The following SLC6A3 variants were observed in gnomAD, a reference collection of about 807,000 sequenced individuals.
SLC6A3 encodes the protein sodium-dependent dopamine transporter.
A neutral mutation model predicts 70.4 loss-of-function variants in SLC6A3; 19 were observed. That is an observed-to-expected ratio of 0.27 (90% CI 0.19 to 0.40). The LOEUF (loss-of-function observed/expected upper bound fraction) is 0.40. SLC6A3 is among the 10% of genes least tolerant of loss of function. The pLI is 1.00. For synonymous variants in SLC6A3, 368 were observed against 356.6 expected, an observed-to-expected ratio of 1.03 and a Z score of -0.36; for missense variants, 613 against 838.5, an observed-to-expected ratio of 0.73 and a Z score of 3.32.
intron 4 of SLC6A3, among the ~76,000 whole-genome samples, chr5:1,427,665 GATAATACCACACAAACAGTAA>G (rs1163068011): frequency 6.6e-6 from 1 of 152,184 alleles, no homozygotes; most frequent in Non-Finnish European, 1.5e-5. Context: ...GGCTGGAAAA[GATAATACCACACAAACAGTAA>G]TGATACGAAA....
chr5:1,435,313 G>A (rs1756803192), intron 3 of SLC6A3, among the ~76,000 whole-genome samples: 3 of 152,344 alleles, frequency 2.0e-5, no homozygotes, highest in South Asian at 4.1e-4. Context: ...TTCCATGGTG[G>A]TAACTGACAA....
chr5:1,410,124 C>T (rs1014876777), intron 9 of SLC6A3, among the ~76,000 whole-genome samples: 5 of 152,208 alleles, frequency 3.3e-5, no homozygotes, highest in Admixed American at 6.5e-5. Context: ...GGGTAAGATG[C>T]GGCATGGCTA....
intron 4 of SLC6A3, among the ~76,000 whole-genome samples, chr5:1,426,601 A>G (rs1266050855): frequency 6.6e-6 from 1 of 152,234 alleles, no homozygotes; most frequent in South Asian, 2.1e-4. Context: ...ATGGAATTGA[A>G]ATATTATTTG....
intron 3 of SLC6A3, 114 bp downstream of exon 3, chr5:1,441,245 G>C: frequency 3.8e-6 from 5 of 1,322,172 alleles, no homozygotes; most frequent in Non-Finnish European, 5.4e-6. Context: ...CCATGCCTGT[G>C]TCTTAGCAAA....
rs753749540 is a variant in SLC6A3, at chr5:1,400,926, G to A, written c.1828C>T (p.Arg610Cys). The A allele has an allele frequency of 7.6e-6, 12 of 1,587,884 alleles. No individual in the cohort carries two copies. The highest frequency in any genetic ancestry group is 8.6e-6 in the Non-Finnish European group (10 of 1,164,758). ...DRELVDRGEV[R>C]QFTLRHWLKV is the part of the protein sequence containing the mutation. The stretch of plus-strand genomic sequence containing the variant: ...GACCTCGACCTCACCGTGAACTGGC[G>A]CACCTCCCCTCTGTCCACCAGCTCA... The change falls in exon 14 of 15, where the codon CGC becomes TGC. Residue 610 changes from arginine (R) to cysteine (C), a missense_variant. Transcript: ENST00000270349.
At chr5:1,423,377 C>G (rs545729786) in intron 4 of SLC6A3, among the ~76,000 whole-genome samples, 1 of 152,336 alleles carries the variant, frequency 6.6e-6, no homozygotes, top group African/African-American at 2.4e-5. Context: ...CCCACTGCTG[C>G]CCACAAGACA....
intron 6 of SLC6A3, among the ~76,000 whole-genome samples, chr5:1,417,071 C>T (rs112611577): frequency 1.1e-4 from 17 of 151,950 alleles, no homozygotes; most frequent in African/African-American, 4.1e-4. Flanking sequence ...CAGGGTCCAG[C>T]TTCACAACCC....
At position 1,400,817 on chromosome 5, in the gene SLC6A3, T is replaced by C. The variant is rs1755831212; in HGVS notation, c.1839+98A>G. On this transcript the variant is annotated intron_variant, in intron 14 of 14. Coordinates refer to ENST00000270349, the MANE Select transcript of SLC6A3 (RefSeq NM_001044.5). ...ATGCTGGCTGAGTAAATGAGCACCATCTACACCAGCCTCGGAGCCCCCTGG... is the reference window on the plus strand; with the variant it reads ...ATGCTGGCTGAGTAAATGAGCACCACCTACACCAGCCTCGGAGCCCCCTGG... 32 of 868,300 alleles carry C rather than the reference T, an allele frequency of 3.7e-5. 1 individual carries two copies. In the South Asian group the frequency reaches 4.4e-4, roughly 12 times the overall value. 53.8% of individuals were successfully genotyped at this position (868,300 alleles called of 1,614,324 possible). A position where few individuals can be genotyped will look rare whatever the true frequency, so the allele number is the denominator to read the frequency against.
At position 1,406,203 on chromosome 5, in the gene SLC6A3, G is replaced by T; in HGVS notation, c.1584C>A (p.Ser528Arg). 6.2e-7 allele frequency: 1 copy of T among 1,612,274 alleles called. No homozygotes were observed. The change falls in exon 12 of 15, where the codon AGC (serine) becomes AGA (arginine). Residue 528 changes from serine (S) to arginine (R), a missense_variant. Physicochemically the swap from Ser to Arg is moderately radical, Grantham distance 110. Coordinates refer to ENST00000270349, the MANE Select transcript of SLC6A3 (RefSeq NM_001044.5). The surrounding 1 kb of genome is among the most constrained non-coding windows in gnomAD (Gnocchi z 8.8). ...GGTCCCTTACCAGGAGAAAGCAGGG[G>T]CTGACCAGCTTCCAGCACAGCCGCC... ...LYWRLCWKLV[S>R]PCFLLFVVVV... is the part of the protein sequence containing the mutation.
At position 1,405,193 on chromosome 5, in the gene SLC6A3, C is replaced by T. The variant is rs962445882; in HGVS notation, c.1599+995G>A. ...CACCACGCGGCCTGGAGCTCAGACACGGTGGAATTTCTACAAGATGCCGGG... is the reference window on the plus strand; with the variant it reads ...CACCACGCGGCCTGGAGCTCAGACATGGTGGAATTTCTACAAGATGCCGGG... On this transcript the variant is annotated intron_variant, in intron 12 of 14. Coordinates refer to ENST00000270349, the MANE Select transcript of SLC6A3 (RefSeq NM_001044.5). This position sits in a 1 kb window ranked among gnomAD's most constrained non-coding sequence, Gnocchi z 5.3. Among the ~76,000 whole-genome samples the T allele has an allele frequency of 2.6e-5, 4 of 152,310 alleles. No homozygotes were observed. The highest frequency in any genetic ancestry group is 2.1e-4 in the South Asian group (1 of 4,822).
chr5:1,422,919 C>A lies in SLC6A3; in HGVS notation c.654-905G>T, dbSNP rs563257131. ...ACAGTGCTGCCCATGGTGCTGGGTA[C>A]CCACCGCTGCCCACAGTGCTGCCCA... On this transcript the variant is annotated intron_variant, in intron 4 of 14. Coordinates refer to ENST00000270349, the MANE Select transcript of SLC6A3 (RefSeq NM_001044.5). Among the ~76,000 whole-genome samples the A allele has an allele frequency of 2.6e-3, 220 of 86,196 alleles. 6 individuals carry two copies. The highest frequency in any genetic ancestry group is 0.012 in the African/African-American group (198 of 16,836). The allele number at this position is 86,196 out of a possible 152,430, so 56.5% of individuals were successfully genotyped here. A position where few individuals can be genotyped will look rare whatever the true frequency, so the allele number is the denominator to read the frequency against.
At chr5:1,409,257 C>A in intron 10 of SLC6A3, 132 bp from the exon 11 acceptor site, 1 of 733,228 alleles carries the variant, frequency 1.4e-6, no homozygotes. Context: ...AAATTCAACC[C>A]ACATGCAGCT....
chr5:1,441,071 A>T (rs570286080), intron 3 of SLC6A3, among the ~76,000 whole-genome samples: 23 of 152,408 alleles, frequency 1.5e-4, no homozygotes, highest in African/African-American at 5.5e-4. Flanking sequence ...GGTAGATGGC[A>T]GATCCATAGA....
At chr5:1,434,176 AG>A (rs1271957973) in intron 3 of SLC6A3, among the ~76,000 whole-genome samples, 1 of 152,180 alleles carries the variant, frequency 6.6e-6, no homozygotes, top group Non-Finnish European at 1.5e-5. Flanking sequence ...ATGACCATCC[AG>A]GGTTTCCTAG....
At position 1,408,321 on chromosome 5, in the gene SLC6A3, CG is replaced by C. The variant is rs1303896137; in HGVS notation, c.1498+704del. Among the ~76,000 whole-genome samples the C allele has an allele frequency of 6.6e-6, 1 of 151,520 alleles. No homozygotes were observed. Among genetic ancestry groups the C allele is most frequent in the Admixed American group, 6.6e-5 (1 of 15,186 alleles). On this transcript the variant is annotated intron_variant, in intron 11 of 14. Coordinates refer to ENST00000270349, the MANE Select transcript of SLC6A3 (RefSeq NM_001044.5). This position sits in a 1 kb window ranked among gnomAD's most constrained non-coding sequence, Gnocchi z 6.4. ...CCTCCCAAAGTGCTGGGATTACAGG[CG>C]TGAGTCACCGCGCCCGGACCACACA...
intron 4 of SLC6A3, among the ~76,000 whole-genome samples, chr5:1,431,948 A>C (rs148143538): frequency 2.0e-5 from 3 of 152,338 alleles, no homozygotes; most frequent in East Asian, 3.9e-4. Context: ...CCCTGGAGAC[A>C]GGGGCTGCCT....
rs1048171056 is a variant in SLC6A3 at position 1,437,966 on chromosome 5, G to A, written c.418+3393C>T. 3.9e-5 allele frequency among the ~76,000 whole-genome samples: 6 copies of A among 152,170 alleles called. No homozygotes were observed. Among genetic ancestry groups the A allele is most frequent in the African/African-American group, 9.7e-5 (4 of 41,438 alleles). ...ACAAAGGCACATGTATCAGGGTGCC[G>A]GGGGTGCATGGTGTACATCTGATTT... On this transcript the variant is annotated intron_variant, in intron 3 of 14. Coordinates refer to ENST00000270349, the MANE Select transcript of SLC6A3 (RefSeq NM_001044.5). The surrounding 1 kb of genome is among the most constrained non-coding windows in gnomAD (Gnocchi z 4.8).
rs761610559 is a variant in SLC6A3, at chr5:1,403,107, G to C, written c.1600-18C>G. Reference sequence around the variant, plus strand: ...ACCACGAACTGCAACCAGCAGATACGGAGGTCAGGCAGCTCTCAGCCGGCG... The same window carrying C: ...ACCACGAACTGCAACCAGCAGATACCGAGGTCAGGCAGCTCTCAGCCGGCG... On this transcript the variant is annotated intron_variant, in intron 12 of 14. Coordinates refer to ENST00000270349, the MANE Select transcript of SLC6A3 (RefSeq NM_001044.5). 1 of 1,612,384 alleles carries C rather than the reference G, an allele frequency of 6.2e-7. No homozygotes were observed. Among genetic ancestry groups the C allele is most frequent in the South Asian group, 1.1e-5 (1 of 90,876 alleles).
intron 3 of SLC6A3, among the ~76,000 whole-genome samples, chr5:1,434,438 T>A (rs1310776910): frequency 6.6e-6 from 1 of 152,224 alleles, no homozygotes; most frequent in African/African-American, 2.4e-5. Context: ...TTGGGATCCA[T>A]CATTTATGGG....
Sources: allele counts gnomAD v4.1 joint callset (sites outside exome capture counted in the v4.1 genomes callset), GRCh38; gene constraint gnomAD v4.1.1; non-coding constraint Gnocchi (gnomAD v3.1); transcripts MANE v1.5; gene names NCBI Gene and HGNC (gene_info 2026-07-23, HGNC 2026-07-21).